CUX1: variants seen among roughly 807,000 people sequenced by gnomAD.
CUX1 encodes the protein protein CASP.
Under a neutral mutation model 158.8 loss-of-function variants are expected in CUX1, and 31 were observed. That is an observed-to-expected ratio of 0.20 (90% CI 0.15 to 0.26). The LOEUF is 0.26. Among genes scored for constraint, CUX1 ranks in the 10% least tolerant of loss-of-function variants. CUX1 has a pLI of 1.00. For missense variants in CUX1, 1,589 were observed against 2,014.6 expected, an observed-to-expected ratio of 0.79 and a Z score of 4.04; for synonymous variants, 879 against 862.1, an observed-to-expected ratio of 1.02 and a Z score of -0.34.
chr7:102,176,521 C>T (rs1446986606), intron 10 of CUX1, among the ~76,000 whole-genome samples: 3 of 149,196 alleles, frequency 2.0e-5, no homozygotes, highest in African/African-American at 7.4e-5. Flanking sequence ...ATCTGCCCTG[C>T]AGAAAATATT....
intron 4 of CUX1, among the ~76,000 whole-genome samples, chr7:102,076,217 A>G (rs1412580910): frequency 6.6e-6 from 1 of 151,998 alleles, no homozygotes. Flanking sequence ...CCTCGTCTCT[A>G]CTAAAAAAAT....
At chr7:101,928,382 T>C (rs1279309849) in intron 2 of CUX1, among the ~76,000 whole-genome samples, 1 of 150,882 alleles carries the variant, frequency 6.6e-6, no homozygotes, top group Non-Finnish European at 1.5e-5. Flanking sequence ...TTTCTTTTTT[T>C]TTTTTTGAGA....
chr7:102,086,489 A>G (rs1827967465), intron 4 of CUX1, among the ~76,000 whole-genome samples: 1 of 152,062 alleles, frequency 6.6e-6, no homozygotes, highest in Non-Finnish European at 1.5e-5. Context: ...TGTATTCTGT[A>G]GTTGTTTGAA....
intron 1 of CUX1, among the ~76,000 whole-genome samples, chr7:101,831,134 G>A (rs1793950296): frequency 6.6e-6 from 1 of 152,164 alleles, no homozygotes; most frequent in Admixed American, 6.6e-5. Context: ...TGTGAACAGG[G>A]CAGGGGTTTG....
At chr7:101,919,985 C>T (rs1432845603) in intron 2 of CUX1, among the ~76,000 whole-genome samples, 1 of 151,946 alleles carries the variant, frequency 6.6e-6, no homozygotes, top group East Asian at 1.9e-4. Flanking sequence ...TGGAGCGCAG[C>T]GGCACGATCA....
intron 18 of CUX1, among the ~76,000 whole-genome samples, chr7:102,278,492 T>A (rs1410349438): frequency 6.6e-6 from 1 of 151,866 alleles, no homozygotes; most frequent in Non-Finnish European, 1.5e-5. Flanking sequence ...CTCAGGAGGC[T>A]GAGGCAGGAG....
intron 3 of CUX1, among the ~76,000 whole-genome samples, chr7:102,043,510 T>C (rs974134590): frequency 3.3e-5 from 5 of 152,106 alleles, no homozygotes; most frequent in African/African-American, 1.2e-4. Context: ...TTTCAAGGAC[T>C]GGGGGACCTT....
intron 6 of CUX1, among the ~76,000 whole-genome samples, chr7:102,106,334 C>T (rs945139271): frequency 6.6e-5 from 10 of 151,976 alleles, no homozygotes; most frequent in African/African-American, 1.5e-4. Flanking sequence ...GTGATCTGCC[C>T]GCCTCGGCCT....
intron 2 of CUX1, among the ~76,000 whole-genome samples, chr7:102,008,164 C>G (rs1417490645): frequency 6.6e-6 from 1 of 152,192 alleles, no homozygotes; most frequent in Admixed American, 6.6e-5. Flanking sequence ...CTGCGTACTA[C>G]CTTTTGCATG....
At chr7:101,886,254 C>A (rs1800213580) in intron 1 of CUX1, among the ~76,000 whole-genome samples, 1 of 152,094 alleles carries the variant, frequency 6.6e-6, no homozygotes, top group East Asian at 1.9e-4. Flanking sequence ...AGTGCAGTGG[C>A]ACAATCTCAC....
intron 2 of CUX1, among the ~76,000 whole-genome samples, chr7:101,990,198 G>GA (rs150473645): frequency 0.15 from 21,816 of 147,604 alleles, 1,895 homozygotes; most frequent in Middle Eastern, 0.22. Context: ...ATCTCTTAAG[G>GA]AAAAAAAAAA....
chr7:101,943,184 G>A (rs945860887), intron 2 of CUX1, among the ~76,000 whole-genome samples: 4 of 148,208 alleles, frequency 2.7e-5, no homozygotes, highest in African/African-American at 1.0e-4. Context: ...TTGGCTCACT[G>A]CAACCTCCAC....
At chr7:101,850,421 C>CTTTTTTTTTTTTT (rs545679696) in intron 1 of CUX1, among the ~76,000 whole-genome samples, 4 of 104,660 alleles carry the variant, frequency 3.8e-5, no homozygotes, top group Admixed American at 1.0e-4. Flanking sequence ...TTCTTTCTTT[C>CTTTTTTTTTTTTT]TTTTTTTTTT....
Position 102,274,243 on chromosome 7 carries a change from G to A in CUX1, c.1384-1G>A, listed in dbSNP as rs1177008962. The A allele has an allele frequency of 1.9e-6, 3 of 1,613,142 alleles. No individual in the cohort carries two copies. Among genetic ancestry groups the A allele is most frequent in the African/African-American group, 1.3e-5 (1 of 74,938 alleles). ...TCCTCATCGCTTCCTGTCACCTGCA[G>A]GGTGCCGCTGAGCACCGCCTGGAGA... On this transcript the variant is annotated splice_acceptor_variant, in intron 15 of 22. Transcript: ENST00000292538. LOFTEE classifies it high-confidence loss of function.
At chr7:101,891,715 G>A (rs1489333013) in intron 1 of CUX1, among the ~76,000 whole-genome samples, 1 of 152,206 alleles carries the variant, frequency 6.6e-6, no homozygotes, top group Non-Finnish European at 1.5e-5. Context: ...ATAGGGAAGG[G>A]TTCATGGAGA....
rs570937691 is a variant in CUX1, at chr7:101,828,310, C to T, written c.30+10641C>T. 2.2e-3 allele frequency among the ~76,000 whole-genome samples: 333 copies of T among 152,160 alleles called. 4 individuals are homozygous for T. Among genetic ancestry groups the T allele is most frequent in the African/African-American group, 7.7e-3 (319 of 41,496 alleles). On this transcript the variant is annotated intron_variant, in intron 1 of 23. Transcript: ENST00000292535. ...TTTATTATGGAAAAAAAAAAATCTGCGTGTAAGTGGCCCCACACAGTTCAA... is the reference window on the plus strand; with the variant it reads ...TTTATTATGGAAAAAAAAAAATCTGTGTGTAAGTGGCCCCACACAGTTCAA...
chr7:102,094,490 T>A (rs1270214642), intron 4 of CUX1, among the ~76,000 whole-genome samples: 1 of 152,252 alleles, frequency 6.6e-6, no homozygotes, highest in Non-Finnish European at 1.5e-5. Flanking sequence ...AATGTGCGTG[T>A]CATTTTCATA....
chr7:101,839,230 G>A (rs1053362176), intron 1 of CUX1, among the ~76,000 whole-genome samples: 3 of 152,190 alleles, frequency 2.0e-5, no homozygotes, highest in Admixed American at 6.5e-5. Context: ...AGTTCAGTCC[G>A]TAGCAGCACC....
chr7:102,255,045 AGC>A lies in CUX1; in HGVS notation c.*6005_*6006del, dbSNP rs1789741939. 1 of 985,404 alleles carries A rather than the reference AGC, an allele frequency of 1.0e-6. No individual in the cohort carries two copies. The highest frequency in any genetic ancestry group is 1.7e-5 in the African/African-American group (1 of 57,206). The allele number at this position is 985,404 out of a possible 1,614,324, so 61.0% of individuals were successfully genotyped here. ...GAAGAGGAGGGGGTGTGGGGGGCAG[AGC>A]GTAAAACAAGCCCCAGCCCTACTCC... On this transcript the variant is annotated 3_prime_UTR_variant, in exon 24 of 24. Coordinates refer to ENST00000292535, the MANE Select transcript of CUX1 (RefSeq NM_181552.4).
Sources: allele counts gnomAD v4.1 joint callset (sites outside exome capture counted in the v4.1 genomes callset), GRCh38; gene constraint gnomAD v4.1.1; transcripts MANE v1.5; gene names NCBI Gene and HGNC (gene_info 2026-07-23, HGNC 2026-07-21).